NRG3: variants seen among roughly 807,000 people sequenced by gnomAD.
The protein encoded by NRG3 is pro-neuregulin-3, membrane-bound isoform.
A neutral mutation model predicts 66.9 loss-of-function variants in NRG3; 31 were observed. That is an observed-to-expected ratio of 0.46 (90% CI 0.35 to 0.63). The LOEUF (loss-of-function observed/expected upper bound fraction) is 0.63, where lower values mean the gene tolerates loss of function less well. NRG3 is among the 20% of genes least tolerant of loss of function. NRG3 has a pLI of 0.00. For synonymous variants in NRG3, 393 were observed against 359.4 expected (o/e 1.09, Z -1.06); for missense variants, 910 against 878.9 (o/e 1.04, Z -0.45).
chr10:82,644,921 C>G (rs2050835031), intron 2 of NRG3, among the ~76,000 whole-genome samples: 2 of 152,086 alleles, frequency 1.3e-5, no homozygotes, highest in Admixed American at 1.3e-4. Flanking sequence ...TGTATCCATA[C>G]CTAATTTTCC....
intron 3 of NRG3, among the ~76,000 whole-genome samples, chr10:82,832,067 T>G (rs552419732): frequency 1.1e-4 from 16 of 152,202 alleles, no homozygotes; most frequent in Non-Finnish European, 2.2e-4. Flanking sequence ...TTTCTCACTT[T>G]GCATCACATT....
At chr10:82,338,303 GC>G (rs10709127) in intron 1 of NRG3, among the ~76,000 whole-genome samples, 21,574 of 152,100 alleles carry the variant, frequency 0.14, 2,999 homozygotes, top group African/African-American at 0.35. Context: ...TCCATGAACC[GC>G]CCTGTGGAGG....
intron 2 of NRG3, among the ~76,000 whole-genome samples, chr10:82,365,229 T>C (rs186802512): frequency 1.3e-5 from 2 of 152,194 alleles, no homozygotes; most frequent in East Asian, 3.9e-4. Context: ...AGAATGAAAA[T>C]GGAGTTTTGG....
At chr10:82,910,004 G>A (rs553512406) in intron 4 of NRG3, among the ~76,000 whole-genome samples, 4 of 152,260 alleles carry the variant, frequency 2.6e-5, no homozygotes, top group South Asian at 2.1e-4. Flanking sequence ...ACTCTAAAGC[G>A]AAAACTGAAG....
chr10:82,405,856 A>G (rs1047894430), intron 2 of NRG3, among the ~76,000 whole-genome samples: 61 of 152,196 alleles, frequency 4.0e-4, no homozygotes, highest in African/African-American at 1.4e-3. Context: ...GTTAACTTAC[A>G]GAACTAGGTT....
At chr10:82,019,100 G>T (rs993304399) in intron 1 of NRG3, among the ~76,000 whole-genome samples, 2 of 152,108 alleles carry the variant, frequency 1.3e-5, no homozygotes, top group Non-Finnish European at 2.9e-5. Context: ...ATTATTTTGA[G>T]ATATGTCCCA....
At chr10:82,595,965 G>A (rs766324192) in intron 2 of NRG3, among the ~76,000 whole-genome samples, 1 of 152,044 alleles carries the variant, frequency 6.6e-6, no homozygotes, top group Admixed American at 6.6e-5. Context: ...TGCCAATACA[G>A]TTCATTAATT....
At chr10:82,715,121 G>A (rs1046814753) in intron 2 of NRG3, among the ~76,000 whole-genome samples, 5 of 152,188 alleles carry the variant, frequency 3.3e-5, no homozygotes, top group Admixed American at 1.3e-4. Flanking sequence ...GTGGCTGGGC[G>A]TGGTGGCTCA....
rs1207588203 is a variant in NRG3 at position 82,637,283 on chromosome 10, AAAT to A, written c.954-101290_954-101288del. ...TTTGGGATGAATTGAGAATTATAAT[AAAT>A]AATGTTAGTAATTGATTATAGCTGA... On this transcript the variant is annotated intron_variant, in intron 2 of 8. Transcript: ENST00000372141. Among the ~76,000 whole-genome samples, 3 of 152,220 alleles carry A rather than the reference AAAT, an allele frequency of 2.0e-5. 1 individual carries two copies. Among genetic ancestry groups the A allele is most frequent in the Non-Finnish European group, 4.4e-5 (3 of 68,030 alleles).
At chr10:82,374,330 C>T (rs1186433439) in intron 2 of NRG3, among the ~76,000 whole-genome samples, 1 of 152,174 alleles carries the variant, frequency 6.6e-6, no homozygotes, top group Non-Finnish European at 1.5e-5. Flanking sequence ...CAAAGACGCC[C>T]ACCAGTAGGT....
intron 2 of NRG3, among the ~76,000 whole-genome samples, chr10:82,528,009 A>AC (rs1284522172): frequency 6.6e-6 from 1 of 151,906 alleles, no homozygotes; most frequent in Non-Finnish European, 1.5e-5. Context: ...TCTGGTCTCT[A>AC]CCCCTAGATG....
At chr10:81,878,800 A>T (rs1841918863) in intron 1 of NRG3, among the ~76,000 whole-genome samples, 1 of 152,106 alleles carries the variant, frequency 6.6e-6, no homozygotes. Flanking sequence ...AATGGCCAGG[A>T]TCTTTGCTCT....
At chr10:81,973,142 A>G (rs1194727920) in intron 1 of NRG3, among the ~76,000 whole-genome samples, 2 of 152,032 alleles carry the variant, frequency 1.3e-5, no homozygotes, top group Non-Finnish European at 1.5e-5. Context: ...GCTTCCACAT[A>G]TAGGTGAGAA....
intron 4 of NRG3, among the ~76,000 whole-genome samples, chr10:82,894,569 T>TTCCACA (rs1266185875): frequency 9.7e-6 from 1 of 103,408 alleles, no homozygotes; most frequent in Non-Finnish European, 2.1e-5. Flanking sequence ...TCTCCTGTAC[T>TTCCACA]TAGAGTCCTT....
intron 1 of NRG3, among the ~76,000 whole-genome samples, chr10:81,884,893 A>G (rs929459667): frequency 6.6e-6 from 1 of 152,178 alleles, no homozygotes; most frequent in African/African-American, 2.4e-5. Flanking sequence ...ATCACCTCCA[A>G]AAATTTCCTT....
intron 2 of NRG3, among the ~76,000 whole-genome samples, chr10:82,663,200 AG>A (rs2052502873): frequency 6.6e-6 from 1 of 152,234 alleles, no homozygotes; most frequent in South Asian, 2.1e-4. Context: ...TCACAGAGTC[AG>A]TCAATGGCAA....
chr10:82,830,919 G>A (rs1432283567), intron 3 of NRG3, among the ~76,000 whole-genome samples: 6 of 152,154 alleles, frequency 3.9e-5, no homozygotes, highest in Admixed American at 1.3e-4. Context: ...CAAATAGGCA[G>A]GTCCCTGGGC....
At chr10:81,892,149 C>T (rs1843066537) in intron 1 of NRG3, among the ~76,000 whole-genome samples, 1 of 152,060 alleles carries the variant, frequency 6.6e-6, no homozygotes, top group South Asian at 2.1e-4. Context: ...AGAATTCCAT[C>T]CCCTTCTTCT....
intron 4 of NRG3, among the ~76,000 whole-genome samples, chr10:82,927,629 T>G (rs1847139526): frequency 6.6e-6 from 1 of 152,206 alleles, no homozygotes; most frequent in Non-Finnish European, 1.5e-5. Flanking sequence ...TTGCTGAGAA[T>G]GATGGTTTCC....
Sources: allele counts gnomAD v4.1 joint callset (sites outside exome capture counted in the v4.1 genomes callset), GRCh38; gene constraint gnomAD v4.1.1; transcripts MANE v1.5; gene names NCBI Gene and HGNC (gene_info 2026-07-23, HGNC 2026-07-21).